Variants in PFAS observed in about 807,000 individuals in gnomAD.
PFAS encodes the protein FGAM synthase.
PFAS carries 97 observed loss-of-function variants against 140.6 expected under a neutral mutation model. The observed-to-expected ratio is 0.69, with a 90% confidence interval of 0.59 to 0.82. The LOEUF (loss-of-function observed/expected upper bound fraction) is 0.82, where lower values mean the gene tolerates loss of function less well. PFAS is among the 40% of genes least tolerant of loss of function. The pLI is 0.00. For synonymous variants in PFAS, 679 were observed against 718.8 expected (o/e 0.94, Z 0.88); for missense variants, 1,656 against 1,780.2 (o/e 0.93, Z 1.26).
intron 6 of PFAS, 143 bp downstream of exon 6, chr17:8,256,053 C>A: frequency 1.3e-6 from 1 of 795,668 alleles, no homozygotes; most frequent in Non-Finnish European, 2.0e-6. Context: ...ATCAAGGAGT[C>A]TACATTCAAA....
chr17:8,268,912 T>C, intron 27 of PFAS, 42 bp from the exon 28 acceptor site: 1 of 1,612,856 alleles, frequency 6.2e-7, no homozygotes, highest in Non-Finnish European at 8.5e-7. Context: ...AGGGTGGGCA[T>C]GAAGGACCTT....
Position 8,263,194 on chromosome 17 carries a change from T to C in PFAS, c.1496T>C (p.Ile499Thr). The change falls in exon 13 of 28, where the codon ATC becomes ACC. Residue 499 changes from isoleucine to threonine, a missense_variant. Physicochemically the swap from Ile to Thr is moderately conservative, Grantham distance 89. This residue lies in a region of PFAS where 773 missense variants were observed against 757.3 expected (regional missense o/e 1.02). Transcript: ENST00000314666. ...PEMEQKMNRVIRACVEAPKGN... is the reference protein window; with the variant it reads ...PEMEQKMNRVTRACVEAPKGN... ...ATGGAACAGAAGATGAACCGTGTGATCAGGGCTTGTGTGGAGGCCCCCAAG... is the reference window on the plus strand; with the variant it reads ...ATGGAACAGAAGATGAACCGTGTGACCAGGGCTTGTGTGGAGGCCCCCAAG... The C allele has an allele frequency of 6.2e-7, 1 of 1,614,046 alleles. No individual in the cohort carries two copies. The highest frequency in any genetic ancestry group is 8.5e-7 in the Non-Finnish European group (1 of 1,179,964).
chr17:8,260,841 G>T (rs1365611187), intron 11 of PFAS, among the ~76,000 whole-genome samples: 1 of 151,978 alleles, frequency 6.6e-6, no homozygotes, highest in Non-Finnish European at 1.5e-5. Flanking sequence ...AGCCAGGGTG[G>T]TCTCTATCTC....
At chr17:8,265,520 G>A in intron 19 of PFAS, 36 bp from the exon 20 acceptor site, 2 of 1,613,480 alleles carry the variant, frequency 1.2e-6, no homozygotes, top group Non-Finnish European at 8.5e-7. Context: ...AGCTGGGTTG[G>A]CAACTCATTC....
At chr17:8,260,515 C>T (rs1460760811) in intron 11 of PFAS, among the ~76,000 whole-genome samples, 3 of 152,146 alleles carry the variant, frequency 2.0e-5, no homozygotes, top group Non-Finnish European at 4.4e-5. Context: ...GTAGCTATGT[C>T]GCATTTTGTT....
intron 8 of PFAS, 58 bp from the exon 9 acceptor site, chr17:8,256,777 T>A: frequency 6.4e-7 from 1 of 1,556,098 alleles, no homozygotes; most frequent in Non-Finnish European, 8.7e-7. Context: ...GTGGGGGTGG[T>A]CAGAGATGGG....
chr17:8,251,677 T>TC (rs1484090661), intron 1 of PFAS, among the ~76,000 whole-genome samples: 1 of 145,900 alleles, frequency 6.9e-6, no homozygotes, highest in East Asian at 2.1e-4. Context: ...TCTTTTTTTT[T>TC]TTTTTTTTTT....
upstream of PFAS, chr17:8,248,011 G>A (rs377386669): frequency 1.7e-5 from 27 of 1,610,888 alleles, no homozygotes; most frequent in East Asian, 1.6e-4. Flanking sequence ...CACGGAGGAA[G>A]GGACCTGGGC....
At chr17:8,248,236 T>C (rs1404406788), upstream of PFAS, 33 of 587,130 alleles carry the variant, frequency 5.6e-5, no homozygotes, top group Admixed American at 9.1e-4. Context: ...CCCCTGTCTC[T>C]TTTCTCTGAT....
intron 3 of PFAS, 105 bp from the exon 4 acceptor site, chr17:8,254,922 G>A: frequency 1.3e-6 from 1 of 761,432 alleles, no homozygotes; most frequent in South Asian, 1.6e-5. Context: ...CAATGGTGAG[G>A]GGATAGCGGT....
Position 8,267,703 on chromosome 17 carries a change from A to C in PFAS, c.3382+38A>C. ...GCTTCTGCCCACTCCCTTCCCCCAC[A>C]TTCCTGAAGAGGTGCCTTTAGCCCC... On this transcript the variant is annotated intron_variant, in intron 26 of 27. Transcript: ENST00000314666. The surrounding 1 kb of genome is among the most constrained non-coding windows in gnomAD (Gnocchi z 4.9). 2 of 1,163,394 alleles carry C rather than the reference A, an allele frequency of 1.7e-6. No homozygotes were observed. Among genetic ancestry groups the C allele is most frequent in the Non-Finnish European group, 2.5e-6 (2 of 785,682 alleles). The allele number at this position is 1,163,394 out of a possible 1,614,324, so 72.1% of individuals were successfully genotyped here. A position where few individuals can be genotyped will look rare whatever the true frequency, so the allele number is the denominator to read the frequency against.
intron 20 of PFAS, 28 bp from the exon 21 acceptor site, chr17:8,265,834 C>A: frequency 6.3e-7 from 1 of 1,576,260 alleles, no homozygotes; most frequent in Non-Finnish European, 8.7e-7. Context: ...AGCTGTTCCC[C>A]TCCCCTCACC....
intron 12 of PFAS, 55 bp from the exon 13 acceptor site, chr17:8,263,054 A>G (rs1989657523): frequency 1.2e-6 from 2 of 1,608,764 alleles, no homozygotes; most frequent in African/African-American, 2.7e-5. Context: ...GGCATAGGGG[A>G]GCGTATAGGA....
rs757444555 is a variant in PFAS, at chr17:8,266,220, T to C, written c.2702-14T>C. 3.7e-6 allele frequency: 6 copies of C among 1,613,440 alleles called. No homozygotes were observed. The highest frequency in any genetic ancestry group is 5.1e-6 in the Non-Finnish European group (6 of 1,179,668). ...GGGTCCCGAGGTTGCTGAGCTTTCT[T>C]CTCCTTCCTCCAGACCGCCTCCTCT... On this transcript the variant is annotated splice_polypyrimidine_tract_variant and intron_variant, in intron 21 of 27. Coordinates refer to ENST00000314666, the MANE Select transcript of PFAS (RefSeq NM_012393.3). This position sits in a 1 kb window ranked among gnomAD's most constrained non-coding sequence, Gnocchi z 5.0.
chr17:8,248,054 C>T, upstream of PFAS: 2 of 1,592,534 alleles, frequency 1.3e-6, no homozygotes, highest in Non-Finnish European at 1.7e-6. Flanking sequence ...CGGAGCTCCG[C>T]CCCCGGGAGG....
rs925405661 is a variant in PFAS, at chr17:8,267,973, A to G, written c.3382+308A>G. Reference sequence around the variant, plus strand: ...TATTATTAAAATATATATTATTTATATATATTATTTATATATTATTAAAAT... The same window carrying G: ...TATTATTAAAATATATATTATTTATGTATATTATTTATATATTATTAAAAT... On this transcript the variant is annotated intron_variant, in intron 26 of 27. Transcript: ENST00000314666. This position sits in a 1 kb window ranked among gnomAD's most constrained non-coding sequence, Gnocchi z 4.9. Among the ~76,000 whole-genome samples, 2 of 143,906 alleles carry G rather than the reference A, an allele frequency of 1.4e-5. No homozygotes were observed. Among genetic ancestry groups the G allele is most frequent in the African/African-American group, 2.5e-5 (1 of 39,574 alleles). The allele number at this position is 143,906 out of a possible 152,430, so 94.4% of individuals were successfully genotyped here.
Position 8,264,202 on chromosome 17 carries a change from T to C in PFAS, c.1792-10T>C. On this transcript the variant is annotated splice_polypyrimidine_tract_variant and intron_variant, in intron 15 of 27. Transcript: ENST00000314666. ...TCATCCCCTCTGGGTGGGGTCCCTG[T>C]GGTCTATAGATAGTGCTGGTGGACG... 1 of 1,613,840 alleles carries C rather than the reference T, an allele frequency of 6.2e-7. No individual in the cohort carries two copies.
In PFAS at chr17:8,263,862, G is replaced by T; in HGVS notation, c.1717G>T (p.Asp573Tyr). 1 of 1,614,130 alleles carries T rather than the reference G, an allele frequency of 6.2e-7. No homozygotes were observed. The change falls in exon 15 of 28, where the codon GAC becomes TAC. Residue 573 changes from aspartate to tyrosine, a missense_variant. This residue lies in a region of PFAS where 773 missense variants were observed against 757.3 expected (regional missense o/e 1.02). Coordinates refer to ENST00000314666, the MANE Select transcript of PFAS (RefSeq NM_012393.3). Reference sequence around the variant, plus strand: ...TCTTCTGCTGAGGTCCCCCAACCGGGACTTCCTGACTCATGTCAGTGCCCG... The same window carrying T: ...TCTTCTGCTGAGGTCCCCCAACCGGTACTTCCTGACTCATGTCAGTGCCCG... ...NALLLRSPNR[D>Y]FLTHVSARER...
In PFAS at chr17:8,269,368, C is replaced by G. The variant is rs972375827; in HGVS notation, c.*104C>G. ...CACCCCATATTATTTCCAAAAATAT[C>G]TTGGACAGACAAGGACCAAAATGCC... On this transcript the variant is annotated 3_prime_UTR_variant, in exon 28 of 28. Coordinates refer to ENST00000314666, the MANE Select transcript of PFAS (RefSeq NM_012393.3). The G allele has an allele frequency of 4.9e-6, 4 of 815,014 alleles. No individual in the cohort carries two copies. Among genetic ancestry groups the G allele is most frequent in the Non-Finnish European group, 7.7e-6 (4 of 517,970 alleles). 50.5% of individuals were successfully genotyped at this position (815,014 alleles called of 1,614,324 possible).
Sources: gnomAD v4.1 joint callset for allele counts (sites outside exome capture counted in the v4.1 genomes callset) on GRCh38, gnomAD v4.1.1 for gene constraint, gnomAD v4.1.1 regional missense constraint, Gnocchi (gnomAD v3.1) non-coding constraint, MANE v1.5 for transcripts, NCBI Gene and HGNC (gene_info 2026-07-23, HGNC 2026-07-21) for gene names.